SEMA3D: variants seen among roughly 807,000 people sequenced by gnomAD.
SEMA3D encodes the protein semaphorin 3D.
In SEMA3D, 84 loss-of-function variants were observed where a neutral mutation model predicts 100.1. The observed-to-expected ratio is 0.84, with a 90% confidence interval of 0.70 to 1.01. The LOEUF (loss-of-function observed/expected upper bound fraction) is 1.01. SEMA3D is among the 50% of genes least tolerant of loss of function. The pLI is 0.00. For synonymous variants in SEMA3D, 312 were observed against 320.7 expected (o/e 0.97, Z 0.29); for missense variants, 875 against 934.1 (o/e 0.94, Z 0.82).
intron 10 of SEMA3D, chr7:85,041,339 G>C (rs1439771526): frequency 6.6e-6 from 1 of 152,078 alleles, no homozygotes; most frequent in African/African-American, 2.4e-5. Flanking sequence ...GGGATTTCAG[G>C]TGTGAGCCAC....
At chr7:85,198,850 G>A in the SEMA3D span, among the ~76,000 whole-genome samples, 4 of 133,464 alleles carry the variant, frequency 3.0e-5, no homozygotes, top group African/African-American at 1.1e-4. Context: ...TTTTTCAAGG[G>A]TTTTCTATTT....
intron 1 of SEMA3D, among the ~76,000 whole-genome samples, chr7:85,168,656 G>A (rs1195883302): frequency 7.7e-6 from 1 of 129,866 alleles, no homozygotes; most frequent in East Asian, 2.1e-4. Context: ...AATTACTTTT[G>A]CACCAACCTA....
intron 6 of SEMA3D, among the ~76,000 whole-genome samples, chr7:85,068,568 C>T (rs1051945900): frequency 6.6e-6 from 1 of 152,098 alleles, no homozygotes; most frequent in Non-Finnish European, 1.5e-5. Flanking sequence ...CCACAATTAT[C>T]AATATCGAAA....
At chr7:85,006,048 A>T (rs1789787173) in intron 18 of SEMA3D, among the ~76,000 whole-genome samples, 1 of 151,988 alleles carries the variant, frequency 6.6e-6, no homozygotes, top group Non-Finnish European at 1.5e-5. Flanking sequence ...GTATTTTCCA[A>T]ACACATGATT....
chr7:85,158,851 C>T (rs1324034685), intron 1 of SEMA3D, among the ~76,000 whole-genome samples: 1 of 152,108 alleles, frequency 6.6e-6, no homozygotes, highest in Non-Finnish European at 1.5e-5. Flanking sequence ...AAAGAACATA[C>T]ATGAAATATC....
At chr7:85,211,879 G>A in the SEMA3D span, among the ~76,000 whole-genome samples, 1 of 151,834 alleles carries the variant, frequency 6.6e-6, no homozygotes, top group Admixed American at 6.6e-5. Context: ...TTTTATTATA[G>A]GAATATAGTA....
chr7:85,099,375 A>G (rs1788674562), intron 3 of SEMA3D, among the ~76,000 whole-genome samples: 1 of 151,966 alleles, frequency 6.6e-6, no homozygotes, highest in African/African-American at 2.4e-5. Flanking sequence ...CTTGTCTGCC[A>G]CCATGTAAGA....
At chr7:85,206,287 CT>C in the SEMA3D span, among the ~76,000 whole-genome samples, 8 of 152,064 alleles carry the variant, frequency 5.3e-5, no homozygotes, top group Non-Finnish European at 1.0e-4. Context: ...TATTTTTCTT[CT>C]TTTTACTATT....
intron 16 of SEMA3D, 84 bp downstream of exon 16, chr7:85,014,969 TCTTTAA>T: frequency 1.1e-6 from 1 of 907,252 alleles, no homozygotes; most frequent in South Asian, 2.2e-5. Flanking sequence ...ATATATTTTC[TCTTTAA>T]CTTAAACTAT....
chr7:85,150,440 G>T (rs1186637114), intron 2 of SEMA3D, among the ~76,000 whole-genome samples: 1 of 98,566 alleles, frequency 1.0e-5, no homozygotes, highest in South Asian at 3.1e-4. Context: ...ATATTTACAG[G>T]GATATATATA....
chr7:85,041,038 G>T, intron 10 of SEMA3D: 2 of 184,898 alleles, frequency 1.1e-5, no homozygotes, highest in Non-Finnish European at 2.2e-5. Context: ...TCCTATAATT[G>T]TGTCAACTTA....
the SEMA3D span, among the ~76,000 whole-genome samples, chr7:85,216,884 C>T: frequency 9.9e-5 from 15 of 151,394 alleles, no homozygotes; most frequent in Non-Finnish European, 1.8e-4. Context: ...TCTCCCACCC[C>T]CAAATTATAT....
chr7:85,075,220 T>G (rs1336727542), intron 5 of SEMA3D, among the ~76,000 whole-genome samples: 1 of 152,108 alleles, frequency 6.6e-6, no homozygotes, highest in Non-Finnish European at 1.5e-5. Context: ...CACCATTTTT[T>G]CAAAAGCTCA....
In SEMA3D at chr7:85,121,860, G is replaced by T; in HGVS notation, c.32C>A (p.Ala11Asp). The change falls in exon 3 of 19, where the codon GCC (alanine) becomes GAC (aspartate). Residue 11 changes from alanine (A) to aspartate (D), a missense_variant. Coordinates refer to ENST00000284136, the MANE Select transcript of SEMA3D (RefSeq NM_001384900.1). ...AAAAAGGTGAAAATCTTGGCTTCTG[G>T]CTTTAAGTCTTTCATCTTTATTAGC... MNANKDERLK[A>D]RSQDFHLFPA... 5 of 1,595,464 alleles carry T rather than the reference G, an allele frequency of 3.1e-6. No homozygotes were observed. The highest frequency in any genetic ancestry group is 3.4e-6 in the Non-Finnish European group (4 of 1,166,184).
the SEMA3D span, among the ~76,000 whole-genome samples, chr7:85,215,274 G>C: frequency 6.6e-6 from 1 of 151,920 alleles, no homozygotes; most frequent in African/African-American, 2.4e-5. Flanking sequence ...AATTTCATTA[G>C]TTTCATGTTG....
At chr7:85,128,085 T>G (rs1789614840) in intron 2 of SEMA3D, among the ~76,000 whole-genome samples, 1 of 151,910 alleles carries the variant, frequency 6.6e-6, no homozygotes. Flanking sequence ...ATTGAAAATA[T>G]GAAAGGAAAA....
Position 84,999,053 on chromosome 7 carries a change from G to T in SEMA3D, c.*387C>A. On this transcript the variant is annotated 3_prime_UTR_variant, in exon 19 of 19. Coordinates refer to ENST00000284136, the MANE Select transcript of SEMA3D (RefSeq NM_001384900.1). ...TGATATATCTGTTCATAAGAACATA[G>T]CACAACTGCATGGTAAATTCCATGC... 1 of 207,852 alleles carries T rather than the reference G, an allele frequency of 4.8e-6. No individual in the cohort carries two copies. The highest frequency in any genetic ancestry group is 1.2e-4 in the East Asian group (1 of 8,620). 12.9% of individuals were successfully genotyped at this position (207,852 alleles called of 1,614,324 possible). A position where few individuals can be genotyped will look rare whatever the true frequency, so the allele number is the denominator to read the frequency against.
intron 5 of SEMA3D, among the ~76,000 whole-genome samples, chr7:85,074,129 G>C (rs1791854566): frequency 6.6e-6 from 1 of 152,076 alleles, no homozygotes. Flanking sequence ...GTAAACACTG[G>C]GCTGGAGCAG....
At chr7:85,150,349 A>G (rs1790335461) in intron 2 of SEMA3D, among the ~76,000 whole-genome samples, 1 of 125,648 alleles carries the variant, frequency 8.0e-6, no homozygotes, top group Non-Finnish European at 1.6e-5. Flanking sequence ...TTCTAGAAAT[A>G]TATATATATA....
Sources: gnomAD v4.1 joint callset for allele counts (sites outside exome capture counted in the v4.1 genomes callset) on GRCh38, gnomAD v4.1.1 for gene constraint, MANE v1.5 for transcripts, NCBI Gene and HGNC (gene_info 2026-07-23, HGNC 2026-07-21) for gene names.